Variants in KDM4B observed in about 807,000 individuals in gnomAD.
KDM4B encodes lysine-specific demethylase 4B.
Under a neutral mutation model 125.2 loss-of-function variants are expected in KDM4B, and 32 were observed. The observed-to-expected ratio is 0.26, with a 90% CI of 0.19 to 0.34. The LOEUF is 0.34. Among genes scored for constraint, KDM4B ranks in the 10% least tolerant of loss-of-function variants. The pLI, the probability that KDM4B is intolerant of heterozygous loss-of-function variation, is 1.00. For missense variants in KDM4B, 1,190 were observed against 1,577.7 expected, an observed-to-expected ratio of 0.75 and a Z score of 4.16; for synonymous variants, 721 against 677.9, an observed-to-expected ratio of 1.06 and a Z score of -0.99.
At chr19:5,055,982 C>T (rs2037382803) in intron 6 of KDM4B, among the ~76,000 whole-genome samples, 1 of 152,152 alleles carries the variant, frequency 6.6e-6, no homozygotes, top group Non-Finnish European at 1.5e-5. Flanking sequence ...TCTGTCTTCC[C>T]CCGTTGTCTT....
In KDM4B at chr19:5,135,443, G is replaced by C; in HGVS notation, c.2190G>C (p.Glu730Asp). ...SRQKTRPLIPEMCFTSGGENT... is the reference protein window; with the variant it reads ...SRQKTRPLIPDMCFTSGGENT... ...AGAAGACCCGACCGCTCATCCCTGA[G>C]ATGTGCTTCACCTCTGGCGGTGAGA... Residue 730 changes from glutamate to aspartate, a missense_variant, in exon 15 of 23, where the codon GAG becomes GAC. This residue lies in a region of KDM4B where 128 missense variants were observed against 137.8 expected (regional missense o/e 0.93). Transcript: ENST00000159111. The C allele has an allele frequency of 6.2e-7, 1 of 1,613,608 alleles. No homozygotes were observed. The highest frequency in any genetic ancestry group is 8.5e-7 in the Non-Finnish European group (1 of 1,179,994).
intron 2 of KDM4B, among the ~76,000 whole-genome samples, chr19:5,019,482 G>C (rs2036012096): frequency 6.8e-6 from 1 of 146,546 alleles, no homozygotes; most frequent in Non-Finnish European, 1.5e-5. Flanking sequence ...GTTGGTGTTG[G>C]TGTGCAGGTG....
intron 11 of KDM4B, among the ~76,000 whole-genome samples, chr19:5,125,679 C>T (rs1474818189): frequency 1.3e-5 from 2 of 152,188 alleles, no homozygotes; most frequent in Non-Finnish European, 2.9e-5. Flanking sequence ...GATCAGCCCC[C>T]ACAGAAAGGC....
intron 9 of KDM4B, among the ~76,000 whole-genome samples, chr19:5,094,638 C>T (rs1379933773): frequency 3.1e-5 from 4 of 127,968 alleles, no homozygotes; most frequent in Admixed American, 1.7e-4. Flanking sequence ...GGTGGGGGCA[C>T]AGGGGAGGGG....
intron 6 of KDM4B, among the ~76,000 whole-genome samples, chr19:5,057,572 T>A (rs914518753): frequency 1.3e-5 from 2 of 152,210 alleles, no homozygotes; most frequent in African/African-American, 4.8e-5. Flanking sequence ...GGGCTGCATT[T>A]ATGATGTTCC....
At chr19:5,005,360 G>C (rs1437492343) in intron 1 of KDM4B, among the ~76,000 whole-genome samples, 1 of 152,208 alleles carries the variant, frequency 6.6e-6, no homozygotes. Flanking sequence ...ATCAGTGTGG[G>C]CACCTGTTCC....
chr19:4,996,275 C>G (rs528478950), intron 1 of KDM4B, among the ~76,000 whole-genome samples: 1 of 152,354 alleles, frequency 6.6e-6, no homozygotes, highest in South Asian at 2.1e-4. Flanking sequence ...TAGGCGTGAG[C>G]TACTGCACCG....
rs1005110108 is a variant in KDM4B, at chr19:5,114,942, G to A, written c.1115+4124G>A. Among the ~76,000 whole-genome samples, 6 of 152,360 alleles carry A rather than the reference G, an allele frequency of 3.9e-5. No homozygotes were observed. Among genetic ancestry groups the A allele is most frequent in the Middle Eastern group, 3.4e-3 (1 of 294 alleles). ...TTTGGCTCATAGGAATGAGCCCAGCGGCGTCCAGTTAAGCCTGGCAGGCTA... is the reference window on the plus strand; with the variant it reads ...TTTGGCTCATAGGAATGAGCCCAGCAGCGTCCAGTTAAGCCTGGCAGGCTA... On this transcript the variant is annotated intron_variant, in intron 10 of 22. Coordinates refer to ENST00000159111, the MANE Select transcript of KDM4B (RefSeq NM_015015.3). This position sits in a 1 kb window ranked among gnomAD's most constrained non-coding sequence, Gnocchi z 5.8.
chr19:5,081,362 C>T lies in KDM4B; in HGVS notation c.781-1005C>T, dbSNP rs1223840317. Reference sequence around the variant, plus strand: ...TCAAAGGCTTTATCAACGGGCTTAGCAGTGAGCAGGGAGTGGGGGTCAGTG... The same window carrying T: ...TCAAAGGCTTTATCAACGGGCTTAGTAGTGAGCAGGGAGTGGGGGTCAGTG... On this transcript the variant is annotated intron_variant, in intron 8 of 22. Coordinates refer to ENST00000159111, the MANE Select transcript of KDM4B (RefSeq NM_015015.3). The surrounding 1 kb of genome is among the most constrained non-coding windows in gnomAD (Gnocchi z 4.2). Among the ~76,000 whole-genome samples, 1 of 152,172 alleles carries T rather than the reference C, an allele frequency of 6.6e-6. No individual in the cohort carries two copies. The highest frequency in any genetic ancestry group is 1.5e-5 in the Non-Finnish European group (1 of 68,036).
At chr19:5,023,603 C>T (rs979906792) in intron 2 of KDM4B, among the ~76,000 whole-genome samples, 7 of 152,102 alleles carry the variant, frequency 4.6e-5, no homozygotes, top group Non-Finnish European at 1.5e-5. Flanking sequence ...TCACTGGGGC[C>T]GCATGGGGCT....
At chr19:5,048,244 C>T (rs1342899254) in intron 6 of KDM4B, among the ~76,000 whole-genome samples, 1 of 152,228 alleles carries the variant, frequency 6.6e-6, no homozygotes, top group Non-Finnish European at 1.5e-5. Context: ...GTTCCAGGAC[C>T]TTCTCCTGGC....
At position 5,130,985 on chromosome 19, in the gene KDM4B, T is replaced by TC. The variant is rs1353103680; in HGVS notation, c.1316-88dup. The TC allele has an allele frequency of 3.2e-5, 31 of 980,530 alleles. No individual in the cohort carries two copies. In the African/African-American group the frequency reaches 5.1e-4, roughly 16 times the overall value. 60.7% of individuals were successfully genotyped at this position (980,530 alleles called of 1,614,324 possible). On this transcript the variant is annotated intron_variant, in intron 11 of 22. Transcript: ENST00000159111. Reference sequence around the variant, plus strand: ...TCTGGGTGGAAGGAGCCCTCGACCATCCCAGTCAAAGTTGGGGGATTTCTG... The same window carrying TC: ...TCTGGGTGGAAGGAGCCCTCGACCATCCCCAGTCAAAGTTGGGGGATTTCTG...
At position 5,081,244 on chromosome 19, in the gene KDM4B, C is replaced by T. The variant is rs1271478276; in HGVS notation, c.781-1123C>T. Among the ~76,000 whole-genome samples the T allele has an allele frequency of 6.6e-6, 1 of 152,204 alleles. No homozygotes were observed. The highest frequency in any genetic ancestry group is 1.5e-5 in the Non-Finnish European group (1 of 68,022). On this transcript the variant is annotated intron_variant, in intron 8 of 22. Coordinates refer to ENST00000159111, the MANE Select transcript of KDM4B (RefSeq NM_015015.3). The surrounding 1 kb of genome is among the most constrained non-coding windows in gnomAD (Gnocchi z 4.2). ...CGTCTGTGGATTGGGCCCACAGCCC[C>T]ACCTCCTAGAAGCCCTTGGCCTGAG...
intron 1 of KDM4B, among the ~76,000 whole-genome samples, chr19:4,973,297 T>G (rs764510019): frequency 1.2e-4 from 18 of 152,312 alleles, no homozygotes; most frequent in Middle Eastern, 6.8e-3. Context: ...CAAGTGATTC[T>G]CTGGCCTCAG....
At chr19:5,067,403 T>A (rs2037806491) in intron 6 of KDM4B, among the ~76,000 whole-genome samples, 1 of 152,142 alleles carries the variant, frequency 6.6e-6, no homozygotes, top group African/African-American at 2.4e-5. Context: ...ACCCTGCCCC[T>A]GGCTTAGGGA....
At chr19:5,126,912 G>A (rs1173156488) in intron 11 of KDM4B, among the ~76,000 whole-genome samples, 3 of 151,624 alleles carry the variant, frequency 2.0e-5, no homozygotes, top group African/African-American at 4.9e-5. Flanking sequence ...CGGCAGCCTC[G>A]GAGCAGGAAC....
intron 11 of KDM4B, among the ~76,000 whole-genome samples, chr19:5,121,311 C>T (rs927057877): frequency 6.6e-6 from 1 of 152,190 alleles, no homozygotes; most frequent in African/African-American, 2.4e-5. Context: ...GGCCCTGCGT[C>T]TGTTCAGCAC....
chr19:5,042,597 CAT>C (rs1355307949), intron 5 of KDM4B, among the ~76,000 whole-genome samples: 1 of 151,348 alleles, frequency 6.6e-6, no homozygotes, highest in Non-Finnish European at 1.5e-5. Flanking sequence ...CTGCAAGAAA[CAT>C]GGCTTGGGAG....
intron 5 of KDM4B, among the ~76,000 whole-genome samples, chr19:5,043,121 C>T (rs999767570): frequency 2.0e-5 from 3 of 151,568 alleles, no homozygotes; most frequent in South Asian, 2.1e-4. Context: ...CGGCGTTTAT[C>T]GGAGTGGGGT....
Sources: allele counts gnomAD v4.1 joint callset (sites outside exome capture counted in the v4.1 genomes callset), GRCh38; gene constraint gnomAD v4.1.1; regional missense constraint gnomAD v4.1.1; non-coding constraint Gnocchi (gnomAD v3.1); transcripts MANE v1.5; gene names NCBI Gene and HGNC (gene_info 2026-07-23, HGNC 2026-07-21).